Variants in NUTM2G observed in about 807,000 individuals in gnomAD.
NUTM2G encodes NUT family member 2G.
A neutral mutation model predicts 44.3 loss-of-function variants in NUTM2G; 29 were observed. That is an observed-to-expected ratio of 0.66 (90% CI 0.49 to 0.89). NUTM2G has a LOEUF of 0.89. NUTM2G is among the 40% of genes least tolerant of loss of function. NUTM2G has a pLI of 0.00. For synonymous variants in NUTM2G, 205 were observed against 395.9 expected, an observed-to-expected ratio of 0.52 and a Z score of 5.72; for missense variants, 502 against 946.5, an observed-to-expected ratio of 0.53 and a Z score of 6.16.
intron 2 of NUTM2G, among the ~76,000 whole-genome samples, chr9:96,932,735 C>T (rs528660674): frequency 6.6e-6 from 1 of 151,870 alleles, no homozygotes; most frequent in East Asian, 2.0e-4. Context: ...TCATCACAAC[C>T]TCCGCCTCCT....
rs772751191 is a variant in NUTM2G, at chr9:96,931,963, G to A, written c.258G>A (p.Arg86=). The change falls in exon 2 of 7, where the codon AGG becomes AGA. Residue 86 remains arginine, a synonymous_variant. Coordinates refer to ENST00000372322, the MANE Select transcript of NUTM2G (RefSeq NM_001170741.3). Reference sequence around the variant, plus strand: ...CTTCCAACGTCTTTGTCCAGATGAGGACAGAAGTGGGGCCTGTGAAGCCCC... The same window carrying A: ...CTTCCAACGTCTTTGTCCAGATGAGAACAGAAGTGGGGCCTGTGAAGCCCC... ...AGASNVFVQM[R]TEVGPVKPPQ... 3.1e-6 allele frequency: 5 copies of A among 1,611,798 alleles called. No homozygotes were observed. Among genetic ancestry groups the A allele is most frequent in the Admixed American group, 1.7e-5 (1 of 60,008 alleles).
At chr9:96,931,251 G>C (rs1008776081) in intron 1 of NUTM2G, among the ~76,000 whole-genome samples, 1 of 151,574 alleles carries the variant, frequency 6.6e-6, no homozygotes, top group African/African-American at 2.4e-5. Context: ...GAGCTTCAGG[G>C]AAAGGAAGAC....
intron 2 of NUTM2G, chr9:96,933,780 A>G (rs139345550): frequency 4.0e-4 from 61 of 152,938 alleles, no homozygotes; most frequent in Non-Finnish European, 5.7e-4. Context: ...GGCCCAGCAG[A>G]AACCTGGCAC....
At chr9:96,942,001 C>T (rs966717949), downstream of NUTM2G, among the ~76,000 whole-genome samples, 29 of 151,476 alleles carry the variant, frequency 1.9e-4, no homozygotes, top group African/African-American at 6.1e-4. Flanking sequence ...CTGAGGCTCT[C>T]GGTGGGTTTG....
intron 1 of NUTM2G, among the ~76,000 whole-genome samples, chr9:96,930,872 GTTTTTTTTTTTTT>G (rs1168888338): frequency 9.6e-5 from 7 of 72,722 alleles, no homozygotes; most frequent in South Asian, 5.6e-4. Context: ...CCATCCAGTG[GTTTTTTTTTTTTT>G]TTTTTTTTTT....
rs762634243 is a variant in NUTM2G at position 96,932,349 on chromosome 9, A to C, written c.644A>C (p.His215Pro). Residue 215 changes from histidine to proline, a missense_variant, in exon 2 of 7, where the codon CAC becomes CCC. Transcript: ENST00000372322. ...TATGAGAACTTCCGACTCTGGCAGC[A>C]CTACAAGCCCCTGGCCCGGAGGCAC... ...SVYENFRLWQHYKPLARRHLP... is the reference protein window; with the variant it reads ...SVYENFRLWQPYKPLARRHLP... The C allele has an allele frequency of 6.2e-7, 1 of 1,611,740 alleles. No individual in the cohort carries two copies. The highest frequency in any genetic ancestry group is 8.5e-7 in the Non-Finnish European group (1 of 1,179,466).
chr9:96,934,734 G>A, intron 2 of NUTM2G, among the ~76,000 whole-genome samples: 1 of 151,878 alleles, frequency 6.6e-6, no homozygotes, highest in Non-Finnish European at 1.5e-5. Flanking sequence ...TGGTGTCTCA[G>A]TCAGCTCAGG....
chr9:96,934,876 GGA>G (rs1826377976), intron 2 of NUTM2G, among the ~76,000 whole-genome samples: 1 of 151,966 alleles, frequency 6.6e-6, no homozygotes, highest in Non-Finnish European at 1.5e-5. Context: ...CTTCCTGGCT[GGA>G]GAGAGCTGCC....
chr9:96,938,611 T>C lies in NUTM2G; in HGVS notation c.1688T>C (p.Leu563Pro), dbSNP rs761599747. 2 of 1,604,434 alleles carry C rather than the reference T, an allele frequency of 1.2e-6. No individual in the cohort carries two copies. Among genetic ancestry groups the C allele is most frequent in the Middle Eastern group, 1.7e-4 (1 of 6,028 alleles). ...GCCAGGTCCGAAGACCCTGCTGTGCTTTTGGGATGTCAGGACTCCCCCAGG... is the reference window on the plus strand; with the variant it reads ...GCCAGGTCCGAAGACCCTGCTGTGCCTTTGGGATGTCAGGACTCCCCCAGG... ...GMARSEDPAV[L>P]LGCQDSPRLK... Residue 563 changes from leucine to proline, a missense_variant, in exon 7 of 7, where the codon CTT (leucine) becomes CCT (proline). Leu to Pro is a moderately conservative substitution (Grantham distance 98). Transcript: ENST00000372322.
chr9:96,937,052 T>C lies in NUTM2G; in HGVS notation c.983-12T>C, dbSNP rs763590049. ...CCCTCACCACACCCATCCTCCTCCC[T>C]CTCTGCCTCAGTGTACCTTCCCAGC... is the stretch of plus-strand genomic sequence containing the variant. On this transcript the variant is annotated splice_polypyrimidine_tract_variant and intron_variant, in intron 4 of 6. Transcript: ENST00000372322. 5.6e-6 allele frequency: 9 copies of C among 1,596,432 alleles called. No individual in the cohort carries two copies. Among genetic ancestry groups the C allele is most frequent in the Non-Finnish European group, 7.7e-6 (9 of 1,175,022 alleles).
intron 5 of NUTM2G, among the ~76,000 whole-genome samples, chr9:96,937,665 T>A (rs1030674500): frequency 6.6e-6 from 1 of 151,686 alleles, no homozygotes; most frequent in East Asian, 1.9e-4. Flanking sequence ...TCCTGTGTTG[T>A]ACATGGGTCT....
chr9:96,936,718 C>G (rs2479293), intron 4 of NUTM2G, among the ~76,000 whole-genome samples, 154 bp downstream of exon 4: 172 of 152,188 alleles, frequency 1.1e-3, no homozygotes, highest in Admixed American at 1.9e-3. Context: ...TTGACCAGGT[C>G]AATACCTACT....
rs1195580185 is a variant in NUTM2G, at chr9:96,935,274, G to C, written c.714-54G>C. The C allele has an allele frequency of 9.9e-6, 16 of 1,610,356 alleles. No individual in the cohort carries two copies. In the East Asian group the frequency reaches 3.3e-4, roughly 34 times the overall value. On this transcript the variant is annotated intron_variant, in intron 2 of 6. Coordinates refer to ENST00000372322, the MANE Select transcript of NUTM2G (RefSeq NM_001170741.3). ...AGGAGCCAGGTGTTGGGACCAGGTG[G>C]GCCCGGGATGGAGGGTGGGCTTACA...
intron 5 of NUTM2G, 140 bp from the exon 6 acceptor site, chr9:96,937,745 G>C: frequency 9.5e-7 from 1 of 1,055,040 alleles, no homozygotes; most frequent in Admixed American, 1.7e-5. Context: ...TGTGCGTGTA[G>C]CTGGTGGTCG....
rs1826253281 is a variant in NUTM2G, at chr9:96,931,841, G to A, written c.136G>A (p.Ala46Thr). The A allele has an allele frequency of 1.2e-6, 2 of 1,612,394 alleles. No homozygotes were observed. Among genetic ancestry groups the A allele is most frequent in the Non-Finnish European group, 1.7e-6 (2 of 1,179,856 alleles). The change falls in exon 2 of 7, where the codon GCA becomes ACA. Residue 46 changes from alanine (A) to threonine (T), a missense_variant. Physicochemically the swap from Ala to Thr is moderately conservative, Grantham distance 58. Coordinates refer to ENST00000372322, the MANE Select transcript of NUTM2G (RefSeq NM_001170741.3). Reference sequence around the variant, plus strand: ...AACACACAGGCCGCCCCTCGTGACTGCAGTGGTTCCTCCAGCCGGCCCTCT... The same window carrying A: ...AACACACAGGCCGCCCCTCGTGACTACAGTGGTTCCTCCAGCCGGCCCTCT... ...GPTHRPPLVT[A>T]VVPPAGPLVL...
At chr9:96,933,852 G>A (rs1052690039) in intron 2 of NUTM2G, 1 of 152,150 alleles carries the variant, frequency 6.6e-6, no homozygotes, top group African/African-American at 2.4e-5. Flanking sequence ...ACAGGGGGAT[G>A]GTCTTGGGAC....
At position 96,938,631 on chromosome 9, in the gene NUTM2G, C is replaced by T. The variant is rs752763862; in HGVS notation, c.1708C>T (p.Pro570Ser). 3.7e-6 allele frequency: 6 copies of T among 1,600,182 alleles called. No individual in the cohort carries two copies. Among genetic ancestry groups the T allele is most frequent in the Admixed American group, 1.7e-5 (1 of 59,772 alleles). The change falls in exon 7 of 7, where the codon CCC becomes TCC. Residue 570 changes from proline (P) to serine (S), a missense_variant. Pro to Ser is a moderately conservative substitution (Grantham distance 74, BLOSUM62 -1). Transcript: ENST00000372322. ...TGTGCTTTTGGGATGTCAGGACTCC[C>T]CCAGGCTGAAGGCTGTCCGGCCAAC... is the stretch of plus-strand genomic sequence containing the variant. The part of the protein sequence containing the change: ...PAVLLGCQDS[P>S]RLKAVRPTSP...
rs1168888338 is a variant in NUTM2G at position 96,930,872 on chromosome 9, G to GTTTTTTTTTTTTTTTTTTTTTTTTT, written c.17-834_17-810dup. 4.1e-5 allele frequency among the ~76,000 whole-genome samples: 3 copies of GTTTTTTTTTTTTTTTTTTTTTTTTT among 72,726 alleles called. 1 individual carries two copies. Among genetic ancestry groups the GTTTTTTTTTTTTTTTTTTTTTTTTT allele is most frequent in the African/African-American group, 1.7e-4 (3 of 17,572 alleles). 47.7% of individuals were successfully genotyped at this position (72,726 alleles called of 152,430 possible). ...GGCTTGGGCGAGTTTCCATCCAGTGGTTTTTTTTTTTTTTTTTTTTTTTTT... is the reference window on the plus strand; with the variant it reads ...GGCTTGGGCGAGTTTCCATCCAGTGGTTTTTTTTTTTTTTTTTTTTTTTTTTTTTTTTTTTTTTTTTTTTTTTTTT... On this transcript the variant is annotated intron_variant, in intron 1 of 6. Coordinates refer to ENST00000372322, the MANE Select transcript of NUTM2G (RefSeq NM_001170741.3).
At position 96,936,571 on chromosome 9, in the gene NUTM2G, C is replaced by T; in HGVS notation, c.982+7C>T. On this transcript the variant is annotated splice_region_variant and intron_variant, in intron 4 of 6. Transcript: ENST00000372322. Reference sequence around the variant, plus strand: ...GAGGTGGTCAAGCAGCCAGGTACAGCTTCCCACATTCCCACAGGAGCCATG... The same window carrying T: ...GAGGTGGTCAAGCAGCCAGGTACAGTTTCCCACATTCCCACAGGAGCCATG... 5 of 1,551,846 alleles carry T rather than the reference C, an allele frequency of 3.2e-6. No homozygotes were observed. Among genetic ancestry groups the T allele is most frequent in the Non-Finnish European group, 4.3e-6 (5 of 1,156,076 alleles).
Sources: gnomAD v4.1 joint callset for allele counts (sites outside exome capture counted in the v4.1 genomes callset) on GRCh38, gnomAD v4.1.1 for gene constraint, MANE v1.5 for transcripts, NCBI Gene and HGNC (gene_info 2026-07-23, HGNC 2026-07-21) for gene names.